Variants in FBXO16 observed in about 807,000 individuals in gnomAD.
FBXO16 encodes F-box protein 16.
FBXO16 carries 31 observed loss-of-function variants against 41.0 expected under a neutral mutation model. The ratio of observed to expected loss-of-function variants is 0.76; its 90% CI spans 0.57 to 1.02. The LOEUF is 1.02. Ranked by LOEUF, FBXO16 falls within the 50% of genes least tolerant of loss-of-function variation. The probability of loss-of-function intolerance (pLI) is 0.00; values close to 1 mark genes in which losing one functional copy is unlikely to be tolerated. For synonymous variants in FBXO16, 133 were observed against 117.8 expected, an observed-to-expected ratio of 1.13 and a Z score of -0.84; for missense variants, 361 against 346.2, an observed-to-expected ratio of 1.04 and a Z score of -0.34.
intron 1 of FBXO16, among the ~76,000 whole-genome samples, chr8:28,488,303 T>TTTTTTTTTTTTTTTA: frequency 7.1e-6 from 1 of 140,320 alleles, no homozygotes; most frequent in Admixed American, 7.1e-5. Flanking sequence ...CTTTTTTTTT[T>TTTTTTTTTTTTTTTA]TTTTTTTTTT....
intron 6 of FBXO16, among the ~76,000 whole-genome samples, chr8:28,448,651 T>C (rs1194308166): frequency 6.6e-6 from 1 of 152,188 alleles, no homozygotes; most frequent in East Asian, 1.9e-4. Flanking sequence ...ATCTGAGAGA[T>C]AAAAACACAG....
At chr8:28,428,806 A>T in intron 8 of FBXO16, 70 bp from the exon 9 acceptor site, 1 of 1,425,908 alleles carries the variant, frequency 7.0e-7, no homozygotes, top group Non-Finnish European at 9.2e-7. Flanking sequence ...AGTTAAACTT[A>T]TTTTTAATGA....
Position 28,480,995 on chromosome 8 carries a change from G to A in FBXO16, c.99+2353C>T, listed in dbSNP as rs1485996093. Among the ~76,000 whole-genome samples, 5 of 152,292 alleles carry A rather than the reference G, an allele frequency of 3.3e-5. No individual in the cohort carries two copies. In the South Asian group the frequency reaches 8.3e-4, roughly 25 times the overall value. On this transcript the variant is annotated intron_variant, in intron 2 of 8. Transcript: ENST00000380254. ...AGGACATTTGAATGGACTCAGATAG[G>A]AGGCGAGGGCGAGAGCACATGCAAA...
chr8:28,457,230 C>A (rs758911968), intron 4 of FBXO16, among the ~76,000 whole-genome samples: 1 of 152,172 alleles, frequency 6.6e-6, no homozygotes, highest in Non-Finnish European at 1.5e-5. Context: ...ACAATTATTA[C>A]TCTCATATTG....
At chr8:28,469,348 T>C (rs942992578) in intron 3 of FBXO16, among the ~76,000 whole-genome samples, 11 of 151,638 alleles carry the variant, frequency 7.3e-5, no homozygotes, top group Admixed American at 2.0e-4. Flanking sequence ...AGAGACAAAG[T>C]CTTGCTATGT....
chr8:28,430,822 A>C (rs1363386707), intron 7 of FBXO16, among the ~76,000 whole-genome samples: 1 of 152,076 alleles, frequency 6.6e-6, no homozygotes, highest in Non-Finnish European at 1.5e-5. Context: ...AATGAAAAAA[A>C]CTAGCTGGGC....
intron 6 of FBXO16, among the ~76,000 whole-genome samples, chr8:28,449,702 G>A (rs560260523): frequency 2.3e-4 from 35 of 151,958 alleles, no homozygotes; most frequent in Non-Finnish European, 3.5e-4. Context: ...GGTCAGGTGC[G>A]GTGGCTCATG....
intron 6 of FBXO16, among the ~76,000 whole-genome samples, chr8:28,448,059 G>A (rs536132512): frequency 1.4e-4 from 21 of 152,332 alleles, no homozygotes; most frequent in African/African-American, 4.6e-4. Flanking sequence ...GGGAATGTGA[G>A]CTGGGCACGG....
At position 28,483,470 on chromosome 8, in the gene FBXO16, A is replaced by G; in HGVS notation, c.-16-8T>C. ...ATGAAACAACTGGATATCCTTCCAT[A>G]AGAAAAACAACACCTATCAGAAGAA... On this transcript the variant is annotated splice_region_variant and splice_polypyrimidine_tract_variant and intron_variant, in intron 1 of 8. Transcript: ENST00000380254. 1 of 1,584,780 alleles carries G rather than the reference A, an allele frequency of 6.3e-7. No individual in the cohort carries two copies. Among genetic ancestry groups the G allele is most frequent in the African/African-American group, 1.3e-5 (1 of 74,206 alleles).
chr8:28,434,197 G>A lies in FBXO16; in HGVS notation c.844-4794C>T, dbSNP rs141084839. 7.1e-3 allele frequency among the ~76,000 whole-genome samples: 1,088 copies of A among 152,252 alleles called. 15 individuals carry two copies. The highest frequency in any genetic ancestry group is 8.5e-3 in the Non-Finnish European group (578 of 68,020). ...GCTGGTCTTGAACTCCTGACCTCAG[G>A]TGATCTGCCCACCTTGGCCTCCCAA... On this transcript the variant is annotated intron_variant, in intron 7 of 8. Coordinates refer to ENST00000380254, the MANE Select transcript of FBXO16 (RefSeq NM_172366.4).
chr8:28,428,702 G>A lies in FBXO16; in HGVS notation c.*25C>T, dbSNP rs376732936. 827 of 1,573,696 alleles carry A rather than the reference G, an allele frequency of 5.3e-4. 1 individual carries two copies. Among genetic ancestry groups the A allele is most frequent in the Middle Eastern group, 1.3e-3 (8 of 5,986 alleles). On this transcript the variant is annotated 3_prime_UTR_variant, in exon 9 of 9. Transcript: ENST00000380254. ...AGGGGGAGGCCAGGCGAGATGAGCTGGAACTTTTAGGGGAGAGCTGGCACT... is the reference window on the plus strand; with the variant it reads ...AGGGGGAGGCCAGGCGAGATGAGCTAGAACTTTTAGGGGAGAGCTGGCACT...
intron 4 of FBXO16, among the ~76,000 whole-genome samples, chr8:28,458,928 C>T (rs1803081545): frequency 6.6e-6 from 1 of 152,168 alleles, no homozygotes; most frequent in South Asian, 2.1e-4. Context: ...TCCTCCACAA[C>T]CTTCCATCTT....
intron 5 of FBXO16, among the ~76,000 whole-genome samples, chr8:28,455,388 T>C (rs1443328173): frequency 6.6e-6 from 1 of 152,122 alleles, no homozygotes; most frequent in Admixed American, 6.6e-5. Context: ...AAGAGTGTGC[T>C]ACTGCACCCA....
Position 28,452,233 on chromosome 8 carries a change from G to T in FBXO16, c.740+11C>A, listed in dbSNP as rs377367222. 2.5e-6 allele frequency: 4 copies of T among 1,608,224 alleles called. No individual in the cohort carries two copies. Among genetic ancestry groups the T allele is most frequent in the Non-Finnish European group, 3.4e-6 (4 of 1,175,914 alleles). Reference sequence around the variant, plus strand: ...AAACGAAGAAGTTGAGAAGAGCATGGAGCTTCTTACCCTTGCTGGACAGTC... The same window carrying T: ...AAACGAAGAAGTTGAGAAGAGCATGTAGCTTCTTACCCTTGCTGGACAGTC... On this transcript the variant is annotated intron_variant, in intron 6 of 8. Coordinates refer to ENST00000380254, the MANE Select transcript of FBXO16 (RefSeq NM_172366.4).
At position 28,478,398 on chromosome 8, in the gene FBXO16, G is replaced by C. The variant is rs567303012; in HGVS notation, c.100-4591C>G. On this transcript the variant is annotated intron_variant, in intron 2 of 8. Transcript: ENST00000380254. ...GGTCAGACCTGGCGGGGGTGGGTAG[G>C]CAGCTAGCAGCCACTGAATGTTCGG... Among the ~76,000 whole-genome samples the C allele has an allele frequency of 1.2e-4, 18 of 152,228 alleles. No individual in the cohort carries two copies. In the South Asian group the frequency reaches 3.7e-3, roughly 32 times the overall value.
chr8:28,445,025 T>C (rs886299979), intron 7 of FBXO16, among the ~76,000 whole-genome samples: 1 of 151,980 alleles, frequency 6.6e-6, no homozygotes, highest in Admixed American at 6.6e-5. Context: ...CACACCCGCC[T>C]TGTATCCCAA....
chr8:28,445,777 A>C (rs957766412), intron 7 of FBXO16, among the ~76,000 whole-genome samples: 1 of 152,128 alleles, frequency 6.6e-6, no homozygotes, highest in Non-Finnish European at 1.5e-5. Context: ...GCAACATAAC[A>C]CTTGAAAATA....
intron 4 of FBXO16, among the ~76,000 whole-genome samples, chr8:28,463,366 G>A (rs766782641): frequency 1.4e-5 from 2 of 145,050 alleles, no homozygotes; most frequent in Non-Finnish European, 3.0e-5. Context: ...GTATATGTGT[G>A]TATATGTGTG....
At chr8:28,485,880 G>A (rs1424656846) in intron 1 of FBXO16, among the ~76,000 whole-genome samples, 2 of 152,162 alleles carry the variant, frequency 1.3e-5, no homozygotes, top group Non-Finnish European at 2.9e-5. Flanking sequence ...GGCTGAGGCA[G>A]GCGGATCACC....
Sources: gnomAD v4.1 joint callset for allele counts (sites outside exome capture counted in the v4.1 genomes callset) on GRCh38, gnomAD v4.1.1 for gene constraint, MANE v1.5 for transcripts, NCBI Gene and HGNC (gene_info 2026-07-23, HGNC 2026-07-21) for gene names.